Variants in DENND4A observed in about 807,000 individuals in gnomAD.
DENND4A encodes C-myc promoter-binding protein.
DENND4A carries 70 observed loss-of-function variants against 199.3 expected under a neutral mutation model. That is an observed-to-expected ratio of 0.35 (90% confidence interval 0.29 to 0.43). The LOEUF is 0.43. Among genes scored for constraint, DENND4A ranks in the 20% least tolerant of loss-of-function variants. The probability of loss-of-function intolerance (pLI) is 1.00; values close to 1 mark genes in which losing one functional copy is unlikely to be tolerated. For synonymous variants in DENND4A, 686 were observed against 766.9 expected (o/e 0.89, Z 1.74); for missense variants, 1,723 against 2,255.8 (o/e 0.76, Z 4.78).
intron 2 of DENND4A, among the ~76,000 whole-genome samples, chr15:65,760,500 T>C (rs1465551969): frequency 6.7e-6 from 1 of 149,254 alleles, no homozygotes; most frequent in Non-Finnish European, 1.5e-5. Flanking sequence ...TGTCACAAAA[T>C]AATAAATAAA....
intron 14 of DENND4A, among the ~76,000 whole-genome samples, chr15:65,713,776 G>C (rs2075314020): frequency 6.6e-6 from 1 of 152,020 alleles, no homozygotes; most frequent in South Asian, 2.1e-4. Context: ...GATACTTTTG[G>C]GCTTATCGCC....
intron 24 of DENND4A, among the ~76,000 whole-genome samples, chr15:65,673,359 T>C (rs923106883): frequency 2.6e-5 from 4 of 151,790 alleles, no homozygotes; most frequent in Non-Finnish European, 4.4e-5. Flanking sequence ...TAGTCCCAGC[T>C]ACCTGGGAAG....
At chr15:65,719,199 T>C (rs891062645) in intron 12 of DENND4A, 2 of 152,332 alleles carry the variant, frequency 1.3e-5, no homozygotes, top group African/African-American at 4.8e-5. Context: ...TGACATTCCC[T>C]CTTGTATTCA....
intron 6 of DENND4A, 68 bp downstream of exon 6, chr15:65,738,638 C>T (rs1184940911): frequency 5.1e-6 from 7 of 1,375,458 alleles, no homozygotes; most frequent in African/African-American, 1.5e-5. Flanking sequence ...CCCTACTATT[C>T]CTTGCATTAT....
chr15:65,777,910 C>A (rs2077324500), intron 1 of DENND4A, among the ~76,000 whole-genome samples: 1 of 152,036 alleles, frequency 6.6e-6, no homozygotes, highest in South Asian at 2.1e-4. Flanking sequence ...TGGGATGCAC[C>A]TGTAGTCCCA....
At chr15:65,685,496 A>G (rs754447680) in intron 23 of DENND4A, among the ~76,000 whole-genome samples, 1 of 152,194 alleles carries the variant, frequency 6.6e-6, no homozygotes, top group Non-Finnish European at 1.5e-5. Flanking sequence ...ATATAAGTTG[A>G]GTGTCTACAT....
chr15:65,755,236 T>G (rs1325878624), intron 3 of DENND4A, among the ~76,000 whole-genome samples: 1 of 152,220 alleles, frequency 6.6e-6, no homozygotes, highest in African/African-American at 2.4e-5. Context: ...CTAAGTGAGT[T>G]AGGAAATTGG....
intron 22 of DENND4A, among the ~76,000 whole-genome samples, chr15:65,692,516 GA>G (rs1292897535): frequency 6.6e-6 from 1 of 152,126 alleles, no homozygotes; most frequent in African/African-American, 2.4e-5. Context: ...GACAAGTATT[GA>G]AAATGTGCCT....
rs780450925 is a variant in DENND4A, at chr15:65,701,830, G to A, written c.2491C>T (p.Arg831Ter). The stretch of plus-strand genomic sequence containing the variant: ...GCTTTCTGCATTTCAAAAAGCACTC[G>A]AACTGCAAGCACTGGCTGATCATAT... ...GQYDQPVLAV[R>*]VLFEMQKAGI... The change falls in exon 18 of 33, where the codon CGA becomes TGA. Residue 831 changes from arginine (R) to a stop codon, truncating the protein, a stop_gained. Coordinates refer to ENST00000443035, the MANE Select transcript of DENND4A (RefSeq NM_001320835.1). LOFTEE classifies it high-confidence loss of function. The A allele has an allele frequency of 1.2e-6, 2 of 1,613,716 alleles. No homozygotes were observed. The highest frequency in any genetic ancestry group is 1.7e-6 in the Non-Finnish European group (2 of 1,179,758).
Position 65,722,926 on chromosome 15 carries a change from C to A in DENND4A, c.1510G>T (p.Ala504Ser). The A allele has an allele frequency of 6.2e-7, 1 of 1,606,528 alleles. No homozygotes were observed. The highest frequency in any genetic ancestry group is 8.5e-7 in the Non-Finnish European group (1 of 1,176,974). ...ISQIGDKKNV[A>S]WKILPKKPCK... Reference sequence around the variant, plus strand: ...GGCTTCTTTGGAAGTATCTTCCAGGCTACATTTTTCTTGTCACCAATTCTA... The same window carrying A: ...GGCTTCTTTGGAAGTATCTTCCAGGATACATTTTTCTTGTCACCAATTCTA... The change falls in exon 12 of 33, where the codon GCC becomes TCC. Residue 504 changes from alanine (A) to serine (S), a missense_variant. Physicochemically the swap from Ala to Ser is moderately conservative, Grantham distance 99 (BLOSUM62 1). Around this residue, in one of 6 missense-constraint regions of DENND4A, gnomAD observed 725 missense variants for 952.9 expected, o/e 0.76. Coordinates refer to ENST00000443035, the MANE Select transcript of DENND4A (RefSeq NM_001320835.1).
At chr15:65,732,053 A>G (rs2075976302) in intron 8 of DENND4A, among the ~76,000 whole-genome samples, 1 of 152,068 alleles carries the variant, frequency 6.6e-6, no homozygotes, top group African/African-American at 2.4e-5. Context: ...CTGTTTTTGT[A>G]AATAAGGTTT....
chr15:65,728,478 T>C (rs971865457), intron 11 of DENND4A, among the ~76,000 whole-genome samples: 3 of 146,208 alleles, frequency 2.1e-5, no homozygotes, highest in African/African-American at 5.4e-5. Context: ...TTTTTCTTTT[T>C]TTCTTTTTCT....
rs1304856769 is a variant in DENND4A at position 65,690,949 on chromosome 15, A to G, written c.3645T>C (p.Ser1215=). Residue 1215 remains serine (S), a synonymous_variant, in exon 23 of 33, where the codon TCT becomes TCC. Transcript: ENST00000443035. ...TDVATGFDPL[S]LLVAETEQQQ... is the part of the protein sequence containing the mutation. ...GCTGTTCAGTCTCAGCAACCAAAAG[A>G]GAGAGGGGATCAAATCCTGTTGCGA... 4.4e-6 allele frequency: 7 copies of G among 1,602,902 alleles called. No individual in the cohort carries two copies. Among genetic ancestry groups the G allele is most frequent in the Non-Finnish European group, 6.0e-6 (7 of 1,174,162 alleles).
At chr15:65,686,541 T>C (rs566171526) in intron 23 of DENND4A, among the ~76,000 whole-genome samples, 33 of 152,326 alleles carry the variant, frequency 2.2e-4, no homozygotes, top group African/African-American at 7.5e-4. Context: ...ATAATTATTG[T>C]GTCTTCCTGA....
intron 23 of DENND4A, among the ~76,000 whole-genome samples, chr15:65,683,385 A>AT (rs2076647969): frequency 6.6e-6 from 1 of 151,876 alleles, no homozygotes; most frequent in Admixed American, 6.6e-5. Flanking sequence ...AGTTTTACTG[A>AT]TTTTTGCTCC....
chr15:65,740,351 T>C (rs1471901268), intron 5 of DENND4A, among the ~76,000 whole-genome samples: 4 of 151,012 alleles, frequency 2.6e-5, no homozygotes, highest in Non-Finnish European at 4.4e-5. Context: ...AGCTCACGCC[T>C]GTAATCTCAG....
chr15:65,772,168 A>G (rs1873165595), intron 1 of DENND4A: 1 of 700,126 alleles, frequency 1.4e-6, no homozygotes, highest in Non-Finnish European at 2.6e-6. Context: ...TTTATTTTCA[A>G]TTACATTAGC....
chr15:65,702,398 A>G lies in DENND4A; in HGVS notation c.2337T>C (p.Tyr779=). The G allele has an allele frequency of 6.4e-7, 1 of 1,568,688 alleles. No individual in the cohort carries two copies. Among genetic ancestry groups the G allele is most frequent in the Non-Finnish European group, 8.6e-7 (1 of 1,156,318 alleles). Residue 779 remains tyrosine (Y), a synonymous_variant, in exon 17 of 33, where the codon TAT becomes TAC. Transcript: ENST00000443035. ...TGACTTTTGAATGACAGACTTTCAC[A>G]TAAGCTGGGAGACAAATAAACCACA... ...YGLWFICLPA[Y]VKVCHSKVRA...
chr15:65,769,695 T>C (rs546678986), intron 1 of DENND4A, among the ~76,000 whole-genome samples: 1 of 152,186 alleles, frequency 6.6e-6, no homozygotes, highest in African/African-American at 2.4e-5. Context: ...GATTTTCTTT[T>C]CTTTTTTTTC....
Sources: allele counts gnomAD v4.1 joint callset (sites outside exome capture counted in the v4.1 genomes callset), GRCh38; gene constraint gnomAD v4.1.1; regional missense constraint gnomAD v4.1.1; transcripts MANE v1.5; gene names NCBI Gene and HGNC (gene_info 2026-07-23, HGNC 2026-07-21).